The following COL22A1 variants were observed in gnomAD, a reference collection of about 807,000 sequenced individuals.
COL22A1 encodes the protein collagen alpha-1(XXII) chain.
In COL22A1, 221 loss-of-function variants were observed where a neutral mutation model predicts 248.9. That is an observed-to-expected ratio of 0.89 (90% CI 0.80 to 0.99). The LOEUF (loss-of-function observed/expected upper bound fraction) is 0.99, where lower values mean the gene tolerates loss of function less well. Ranked by LOEUF, COL22A1 falls within the 50% of genes least tolerant of loss-of-function variation. COL22A1 has a pLI of 0.00. For missense variants in COL22A1, 2,240 were observed against 2,179.0 expected (o/e 1.03, Z -0.56); for synonymous variants, 891 against 793.4 (o/e 1.12, Z -2.07).
chr8:138,831,850 CG>C (rs1820070374), intron 5 of COL22A1, among the ~76,000 whole-genome samples: 1 of 152,106 alleles, frequency 6.6e-6, no homozygotes, highest in Admixed American at 6.6e-5. Context: ...TTGTCAGAGG[CG>C]TGTGAACCAG....
chr8:138,892,600 C>T (rs1825144387), intron 1 of COL22A1, among the ~76,000 whole-genome samples: 1 of 152,194 alleles, frequency 6.6e-6, no homozygotes. Flanking sequence ...ATGTAGGCCA[C>T]ACCCCTGTCC....
chr8:138,812,280 C>A (rs1051607846), intron 8 of COL22A1, among the ~76,000 whole-genome samples: 1 of 152,244 alleles, frequency 6.6e-6, no homozygotes, highest in African/African-American at 2.4e-5. Flanking sequence ...CACCTGCTGT[C>A]TATCTGCATG....
chr8:138,606,219 C>T (rs1818406250), intron 58 of COL22A1, among the ~76,000 whole-genome samples, 162 bp downstream of exon 58: 1 of 152,158 alleles, frequency 6.6e-6, no homozygotes, highest in Non-Finnish European at 1.5e-5. Context: ...CCTCTGGGCA[C>T]TCCACTGTCT....
At chr8:138,821,862 A>G (rs894707808) in intron 6 of COL22A1, among the ~76,000 whole-genome samples, 29 of 152,050 alleles carry the variant, frequency 1.9e-4, no homozygotes, top group African/African-American at 6.5e-4. Context: ...TTCAGGCCTG[A>G]TCTATTACCC....
chr8:138,880,662 G>A (rs1365161153), intron 2 of COL22A1, among the ~76,000 whole-genome samples: 1 of 152,168 alleles, frequency 6.6e-6, no homozygotes, highest in East Asian at 1.9e-4. Context: ...AGCCTTAGCA[G>A]GACTGATCCC....
Position 138,690,528 on chromosome 8 carries a change from T to C in COL22A1, c.2808+293A>G, listed in dbSNP as rs541080493. Among the ~76,000 whole-genome samples, 55 of 152,322 alleles carry C rather than the reference T, an allele frequency of 3.6e-4. 2 individuals carry two copies. The South Asian group carries it at 0.011, about 31-fold the overall frequency. On this transcript the variant is annotated intron_variant, in intron 36 of 64. Transcript: ENST00000303045. Reference sequence around the variant, plus strand: ...GGGACCTTTGACTTCTTTAGGTTCATTTTCTTTCTTCTGAAGCAAACTAGG... The same window carrying C: ...GGGACCTTTGACTTCTTTAGGTTCACTTTCTTTCTTCTGAAGCAAACTAGG...
At chr8:138,602,039 G>T in intron 60 of COL22A1, 76 bp downstream of exon 60, 1 of 1,528,494 alleles carries the variant, frequency 6.5e-7, no homozygotes, top group Non-Finnish European at 9.1e-7. Context: ...TTGGACAAAG[G>T]CCAGGCTCAA....
intron 15 of COL22A1, 32 bp from the exon 16 acceptor site, chr8:138,776,042 A>T (rs1191893993): frequency 6.2e-7 from 1 of 1,612,034 alleles, no homozygotes; most frequent in East Asian, 2.2e-5. Flanking sequence ...GTGACCCAAC[A>T]TCTTAATCTG....
intron 2 of COL22A1, 111 bp downstream of exon 2, chr8:138,882,969 TCA>T (rs1824353571): frequency 3.1e-6 from 3 of 979,000 alleles, no homozygotes; most frequent in South Asian, 3.5e-5. Flanking sequence ...TCCCTCTCTC[TCA>T]CACAGTCAGT....
intron 32 of COL22A1, among the ~76,000 whole-genome samples, chr8:138,695,953 C>T (rs959807053): frequency 6.6e-6 from 1 of 152,072 alleles, no homozygotes. Flanking sequence ...TACAGCCTGT[C>T]TTGGGAGCCC....
intron 18 of COL22A1, among the ~76,000 whole-genome samples, chr8:138,758,201 T>A (rs1833181427): frequency 6.6e-6 from 1 of 152,130 alleles, no homozygotes; most frequent in Non-Finnish European, 1.5e-5. Flanking sequence ...ATGACATGAG[T>A]GAGCCTGGAA....
rs570044135 is a variant in COL22A1, at chr8:138,610,458, G to A, written c.3979-2469C>T. On this transcript the variant is annotated intron_variant, in intron 56 of 64. Coordinates refer to ENST00000303045, the MANE Select transcript of COL22A1 (RefSeq NM_152888.3). The stretch of plus-strand genomic sequence containing the variant: ...TGACCTTGCCAGAATCCTTCTCCTC[G>A]CTCAGAAAAGCACAGAAATTTCAAT... 6.1e-4 allele frequency among the ~76,000 whole-genome samples: 93 copies of A among 152,128 alleles called. 1 individual carries two copies. The highest frequency in any genetic ancestry group is 1.1e-3 in the Non-Finnish European group (75 of 68,028).
At chr8:138,698,157 C>T (rs765321614) in intron 32 of COL22A1, among the ~76,000 whole-genome samples, 31 of 152,112 alleles carry the variant, frequency 2.0e-4, no homozygotes, top group Non-Finnish European at 4.0e-4. Flanking sequence ...GGGAGGCCCA[C>T]AGATGTCAGG....
At chr8:138,876,267 C>T (rs1320238847) in intron 3 of COL22A1, among the ~76,000 whole-genome samples, 1 of 152,138 alleles carries the variant, frequency 6.6e-6, no homozygotes, top group Non-Finnish European at 1.5e-5. Flanking sequence ...GCAGTTCATG[C>T]CCATCCTCTA....
At chr8:138,912,594 G>A (rs984727753) in intron 1 of COL22A1, among the ~76,000 whole-genome samples, 9 of 152,108 alleles carry the variant, frequency 5.9e-5, no homozygotes, top group African/African-American at 2.2e-4. Context: ...TATAAAATTA[G>A]CCGGGCATGG....
rs4736086 is a variant in COL22A1 at position 138,853,241 on chromosome 8, G to A, written c.659-9083C>T. ...ACAGGTCATTGGTGCCCTGAATGATGGGGCGAGGGCCCCATTGGAGCAGGT... is the reference window on the plus strand; with the variant it reads ...ACAGGTCATTGGTGCCCTGAATGATAGGGCGAGGGCCCCATTGGAGCAGGT... On this transcript the variant is annotated intron_variant, in intron 3 of 64. Transcript: ENST00000303045. 5.2e-4 allele frequency among the ~76,000 whole-genome samples: 79 copies of A among 152,338 alleles called. 1 individual carries two copies. The highest frequency in any genetic ancestry group is 4.7e-3 in the Admixed American group (72 of 15,310).
intron 50 of COL22A1, 41 bp downstream of exon 50, chr8:138,630,654 A>G: frequency 6.3e-7 from 1 of 1,586,350 alleles, no homozygotes; most frequent in Non-Finnish European, 8.7e-7. Context: ...AGAAAGGCTA[A>G]AGACAGATTA....
rs2132034083 is a variant in COL22A1, at chr8:138,636,723, T to C, written c.3555+19A>G. 3 of 1,600,878 alleles carry C rather than the reference T, an allele frequency of 1.9e-6. No individual in the cohort carries two copies. In the East Asian group the frequency reaches 6.7e-5, roughly 36 times the overall value. On this transcript the variant is annotated intron_variant, in intron 48 of 64. Transcript: ENST00000303045. ...CTCCTTCCTCAGGGTGAATGGTTCCTTATAAAGTAAATTTTTACCTGATCA... is the reference window on the plus strand; with the variant it reads ...CTCCTTCCTCAGGGTGAATGGTTCCCTATAAAGTAAATTTTTACCTGATCA...
intron 3 of COL22A1, 71 bp from the exon 4 acceptor site, chr8:138,844,229 G>T: frequency 7.1e-7 from 1 of 1,415,564 alleles, no homozygotes; most frequent in Non-Finnish European, 1.0e-6. Context: ...AAATATGACA[G>T]CACACAAGAC....
Sources: allele counts gnomAD v4.1 joint callset (sites outside exome capture counted in the v4.1 genomes callset), GRCh38; gene constraint gnomAD v4.1.1; transcripts MANE v1.5; gene names NCBI Gene and HGNC (gene_info 2026-07-23, HGNC 2026-07-21).